PDE8B: variants seen among roughly 807,000 people sequenced by gnomAD.
PDE8B encodes the protein phosphodiesterase 8B.
PDE8B carries 26 observed loss-of-function variants against 101.3 expected under a neutral mutation model. The observed-to-expected ratio is 0.26, with a 90% confidence interval of 0.19 to 0.36. PDE8B has a LOEUF of 0.36. Among genes scored for constraint, PDE8B ranks in the 10% least tolerant of loss-of-function variants. PDE8B has a pLI of 1.00. For missense variants in PDE8B, 810 were observed against 1,163.1 expected (o/e 0.70, Z 4.42); for synonymous variants, 424 against 429.3 (o/e 0.99, Z 0.15).
chr5:77,244,629 T>C (rs1756491114), intron 1 of PDE8B, among the ~76,000 whole-genome samples: 1 of 152,188 alleles, frequency 6.6e-6, no homozygotes, highest in Non-Finnish European at 1.5e-5. Context: ...TTATACTAAG[T>C]ACTTTTTTAA....
chr5:77,298,976 T>C (rs1204324138), intron 1 of PDE8B, among the ~76,000 whole-genome samples: 1 of 152,232 alleles, frequency 6.6e-6, no homozygotes, highest in East Asian at 1.9e-4. Flanking sequence ...AAAAATATTT[T>C]GAAGGACTTT....
At chr5:77,116,309 G>A in the PDE8B span, among the ~76,000 whole-genome samples, 3 of 135,520 alleles carry the variant, frequency 2.2e-5, no homozygotes, top group Non-Finnish European at 3.0e-5. Context: ...TCGGCTCACC[G>A]CAACCTCCAC....
At chr5:77,368,401 G>T (rs1784504018) in intron 10 of PDE8B, among the ~76,000 whole-genome samples, 1 of 152,166 alleles carries the variant, frequency 6.6e-6, no homozygotes, top group South Asian at 2.1e-4. Context: ...CACTGTAGAA[G>T]GCTCAGCTTC....
At chr5:77,403,304 G>A (rs1277507737) in intron 11 of PDE8B, among the ~76,000 whole-genome samples, 1 of 152,134 alleles carries the variant, frequency 6.6e-6, no homozygotes, top group Non-Finnish European at 1.5e-5. Flanking sequence ...ATAGGGACAA[G>A]GGTGAAGGTT....
chr5:77,196,031 C>T, the PDE8B span, among the ~76,000 whole-genome samples: 7 of 152,132 alleles, frequency 4.6e-5, no homozygotes, highest in Non-Finnish European at 7.4e-5. Context: ...TGATGTTGAG[C>T]GTCTTTTCAT....
intron 6 of PDE8B, among the ~76,000 whole-genome samples, chr5:77,337,734 C>T (rs1259290138): frequency 6.6e-6 from 1 of 152,204 alleles, no homozygotes; most frequent in African/African-American, 2.4e-5. Flanking sequence ...TAAGTAACCA[C>T]AATAGCAATT....
chr5:77,147,027 GA>G, the PDE8B span: 11 of 452,100 alleles, frequency 2.4e-5, no homozygotes, highest in East Asian at 4.3e-4. Flanking sequence ...GAAGCTGAAG[GA>G]AAAATATGAA....
rs1273761098 is a variant in PDE8B at position 77,211,284 on chromosome 5, A to T, written c.339+20A>T. Reference sequence around the variant, plus strand: ...GTGAAGGTAAATGCCCCGCGCTGGCACACGCCGTGGGGGCCGTCCGCCCCG... The same window carrying T: ...GTGAAGGTAAATGCCCCGCGCTGGCTCACGCCGTGGGGGCCGTCCGCCCCG... On this transcript the variant is annotated intron_variant, in intron 1 of 21. Coordinates refer to ENST00000264917, the MANE Select transcript of PDE8B (RefSeq NM_003719.5). The surrounding 1 kb of genome is among the most constrained non-coding windows in gnomAD (Gnocchi z 4.1). 6.5e-7 allele frequency: 1 copy of T among 1,538,058 alleles called. No individual in the cohort carries two copies. Among genetic ancestry groups the T allele is most frequent in the South Asian group, 1.2e-5 (1 of 84,216 alleles).
chr5:77,240,375 G>A (rs1353822695), intron 1 of PDE8B, among the ~76,000 whole-genome samples: 1 of 151,976 alleles, frequency 6.6e-6, no homozygotes, highest in Admixed American at 6.6e-5. Flanking sequence ...GGATGGTCTT[G>A]ATCTCCTGAC....
rs188042856 is a variant in PDE8B, at chr5:77,268,110, G to A, written c.340-43884G>A. Among the ~76,000 whole-genome samples the A allele has an allele frequency of 7.9e-5, 12 of 151,912 alleles. No individual in the cohort carries two copies. In the East Asian group the frequency reaches 1.9e-3, roughly 24 times the overall value. On this transcript the variant is annotated intron_variant, in intron 1 of 21. Coordinates refer to ENST00000264917, the MANE Select transcript of PDE8B (RefSeq NM_003719.5). ...AGGAATGGGGAGGTGATTTGGTGAA[G>A]GGATAGTGACTACCACTGACCACTA...
chr5:77,318,983 T>A (rs1334203990), intron 2 of PDE8B, among the ~76,000 whole-genome samples: 9 of 152,252 alleles, frequency 5.9e-5, no homozygotes, highest in Admixed American at 3.3e-4. Flanking sequence ...TGTTTTCATC[T>A]TTTTTTATAA....
chr5:77,407,299 T>G, intron 12 of PDE8B, 82 bp from the exon 13 acceptor site: 2 of 1,015,788 alleles, frequency 2.0e-6, no homozygotes, highest in Non-Finnish European at 3.2e-6. Flanking sequence ...AAGCGGGCCC[T>G]GGTCCATGAA....
intron 10 of PDE8B, among the ~76,000 whole-genome samples, chr5:77,377,262 A>G (rs62364321): frequency 0.062 from 9,511 of 152,320 alleles, 449 homozygotes; most frequent in Non-Finnish European, 0.091. Flanking sequence ...GAATACACCT[A>G]TGAAAGAGAA....
chr5:77,236,354 G>T (rs1205273847), intron 1 of PDE8B, among the ~76,000 whole-genome samples: 2 of 152,186 alleles, frequency 1.3e-5, no homozygotes, highest in East Asian at 3.8e-4. Context: ...TCAAGTGAGT[G>T]AGTATGGATA....
the PDE8B span, among the ~76,000 whole-genome samples, chr5:77,091,034 T>C: frequency 6.6e-5 from 10 of 152,314 alleles, no homozygotes; most frequent in African/African-American, 2.4e-4. Context: ...TTTCCACCAA[T>C]AGGGTACAAG....
At chr5:77,176,778 G>C in the PDE8B span, among the ~76,000 whole-genome samples, 4 of 152,300 alleles carry the variant, frequency 2.6e-5, no homozygotes, top group African/African-American at 9.6e-5. Flanking sequence ...TGAACCACTA[G>C]GAATCAGATT....
intron 10 of PDE8B, among the ~76,000 whole-genome samples, chr5:77,399,213 G>A (rs1019162126): frequency 8.5e-5 from 13 of 152,184 alleles, no homozygotes; most frequent in African/African-American, 2.7e-4. Flanking sequence ...CAGGATTTAC[G>A]GTAAGTACAT....
intron 2 of PDE8B, among the ~76,000 whole-genome samples, chr5:77,321,142 A>AT (rs10538529): frequency 0.19 from 14,241 of 76,528 alleles, 1,862 homozygotes; most frequent in Non-Finnish European, 0.24. Context: ...CAGTATCTCT[A>AT]TTTTTTTTTT....
chr5:77,112,353 G>C, the PDE8B span: 2 of 152,184 alleles, frequency 1.3e-5, no homozygotes, highest in African/African-American at 4.8e-5. Context: ...ATTACCAAGA[G>C]ACATTTTACT....
Sources: gnomAD v4.1 joint callset for allele counts (sites outside exome capture counted in the v4.1 genomes callset) on GRCh38, gnomAD v4.1.1 for gene constraint, Gnocchi (gnomAD v3.1) non-coding constraint, MANE v1.5 for transcripts, NCBI Gene and HGNC (gene_info 2026-07-23, HGNC 2026-07-21) for gene names.